NLRC5: variants seen among roughly 807,000 people sequenced by gnomAD.
NLRC5 encodes the protein protein NLRC5.
NLRC5 carries 114 observed loss-of-function variants against 206.9 expected under a neutral mutation model. The ratio of observed to expected loss-of-function variants is 0.55; its 90% CI spans 0.47 to 0.64. NLRC5 has a LOEUF of 0.64. Ranked by LOEUF, NLRC5 falls within the 30% of genes least tolerant of loss-of-function variation. The probability of loss-of-function intolerance (pLI) is 0.00; values close to 1 mark genes in which losing one functional copy is unlikely to be tolerated. For missense variants in NLRC5, 2,008 were observed against 2,305.5 expected (o/e 0.87, Z 2.64); for synonymous variants, 952 against 962.8 (o/e 0.99, Z 0.21).
At position 57,025,946 on chromosome 16, in the gene NLRC5, A is replaced by G. The variant is rs1176615733; in HGVS notation, c.1003A>G (p.Thr335Ala). ...LTLFSHLCNG[T>A]LLPGCRVMAT... ...CCTTTTCTCCCATCTCTGCAATGGG[A>G]CCCTCCTGCCTGGCTGCCGGGTGAT... Residue 335 changes from threonine (T) to alanine (A), a missense_variant, in exon 6 of 49, where the codon ACC (threonine) becomes GCC (alanine). Transcript: ENST00000688547. 6.2e-7 allele frequency: 1 copy of G among 1,613,174 alleles called. No homozygotes were observed. The highest frequency in any genetic ancestry group is 8.5e-7 in the Non-Finnish European group (1 of 1,179,844).
chr16:56,995,973 C>T (rs1451524375), intron 1 of NLRC5, among the ~76,000 whole-genome samples: 1 of 152,092 alleles, frequency 6.6e-6, no homozygotes, highest in Non-Finnish European at 1.5e-5. Context: ...AATTTGTTCC[C>T]TTTTCAGTTC....
intron 19 of NLRC5, 43 bp from the exon 20 acceptor site, chr16:57,043,472 G>T (rs1319278491): frequency 1.2e-4 from 166 of 1,337,710 alleles, no homozygotes; most frequent in Non-Finnish European, 1.6e-4. Context: ...GGATGTGTTT[G>T]GGTCCTGAGT....
At chr16:57,071,727 G>C (rs72487921) in intron 38 of NLRC5, among the ~76,000 whole-genome samples, 5,788 of 142,830 alleles carry the variant, frequency 0.041, 207 homozygotes, top group East Asian at 0.093. Flanking sequence ...AATGGGGAAG[G>C]GGGTGAGTAA....
intron 1 of NLRC5, among the ~76,000 whole-genome samples, chr16:57,004,850 C>T (rs979585873): frequency 6.6e-6 from 1 of 152,170 alleles, no homozygotes; most frequent in Admixed American, 6.5e-5. Flanking sequence ...ACACTGAAAC[C>T]AGGGTGGGGT....
chr16:57,022,925 C>T (rs1381564136), intron 4 of NLRC5, among the ~76,000 whole-genome samples: 1 of 152,262 alleles, frequency 6.6e-6, no homozygotes, highest in Non-Finnish European at 1.5e-5. Context: ...TCAAAACTGT[C>T]CAAGTCCCTG....
chr16:57,041,824 G>GA (rs1184487019), intron 18 of NLRC5, among the ~76,000 whole-genome samples, 158 bp from the exon 19 acceptor site: 1 of 152,088 alleles, frequency 6.6e-6, no homozygotes, highest in African/African-American at 2.4e-5. Context: ...ACCTGGGGGA[G>GA]ACCCCAGCTG....
chr16:57,030,973 G>A lies in NLRC5; in HGVS notation c.2418-431G>A, dbSNP rs182872368. Among the ~76,000 whole-genome samples the A allele has an allele frequency of 1.4e-3, 207 of 152,284 alleles. 1 individual carries two copies. The highest frequency in any genetic ancestry group is 4.8e-3 in the African/African-American group (198 of 41,546). The stretch of plus-strand genomic sequence containing the variant: ...AAATTAATGGGGCATGGTGGTGCAT[G>A]CCTGTGGTTCCAGCTATTTGGGAGG... On this transcript the variant is annotated intron_variant, in intron 10 of 48. Coordinates refer to ENST00000688547, the MANE Select transcript of NLRC5 (RefSeq NM_001384950.1).
At chr16:57,027,765 C>T (rs2061401976) in intron 6 of NLRC5, among the ~76,000 whole-genome samples, 1 of 152,212 alleles carries the variant, frequency 6.6e-6, no homozygotes, top group South Asian at 2.1e-4. Flanking sequence ...CATTAAAGTT[C>T]AGTCCTGAAA....
chr16:57,055,219 A>G, intron 26 of NLRC5, 125 bp downstream of exon 26: 1 of 1,062,012 alleles, frequency 9.4e-7, no homozygotes, highest in Non-Finnish European at 1.4e-6. Flanking sequence ...ACAACCCTGC[A>G]GAGGGACTTG....
intron 1 of NLRC5, among the ~76,000 whole-genome samples, chr16:57,001,577 C>T (rs1408359366): frequency 6.6e-6 from 1 of 152,144 alleles, no homozygotes; most frequent in East Asian, 1.9e-4. Context: ...GTAATCATAG[C>T]TTGTGTGGAT....
Position 57,029,787 on chromosome 16 carries a change from A to G in NLRC5, c.2258A>G (p.Gln753Arg), listed in dbSNP as rs2061604212. Residue 753 changes from glutamine (Q) to arginine (R), a missense_variant, in exon 9 of 49, where the codon CAG (glutamine) becomes CGG (arginine). Physicochemically the swap from Gln to Arg is conservative, Grantham distance 43. Transcript: ENST00000688547. ...TCTCCTCGCAGTTTTCGGGACAACC[A>G]GCTCAGTGACCAGGTGGTGCTGAAC... is the stretch of plus-strand genomic sequence containing the variant. ...QLKEVSFRDN[Q>R]LSDQVVLNIV... The G allele has an allele frequency of 6.2e-7, 1 of 1,614,156 alleles. No homozygotes were observed. Among genetic ancestry groups the G allele is most frequent in the Non-Finnish European group, 8.5e-7 (1 of 1,180,002 alleles).
At chr16:57,019,908 A>G (rs558145214) in intron 2 of NLRC5, among the ~76,000 whole-genome samples, 10 of 152,310 alleles carry the variant, frequency 6.6e-5, no homozygotes, top group Admixed American at 2.0e-4. Flanking sequence ...TAAATGGTTC[A>G]TGGAAATAAG....
At chr16:57,015,922 T>A (rs1202149020) in intron 1 of NLRC5, among the ~76,000 whole-genome samples, 1 of 33,042 alleles carries the variant, frequency 3.0e-5, no homozygotes, top group East Asian at 9.1e-4. Context: ...TGAAACTCCA[T>A]CTCAAAAAAA....
intron 47 of NLRC5, 112 bp downstream of exon 47, chr16:57,081,293 T>C: frequency 8.8e-7 from 1 of 1,131,756 alleles, no homozygotes; most frequent in East Asian, 2.6e-5. Context: ...TTCCTTGAGT[T>C]GCACACTCTG....
At position 57,020,865 on chromosome 16, in the gene NLRC5, A is replaced by G; in HGVS notation, c.153A>G (p.Glu51=). ...CCAGGAACGAGACCTTGGACCCTGA[A>G]CAGAGAGTCATCCTGCAACTCAACA... ...LDSRNETLDP[E]QRVILQLNKL... is the part of the protein sequence containing the mutation. Residue 51 remains glutamate (E), a synonymous_variant, in exon 3 of 49, where the codon GAA becomes GAG. Transcript: ENST00000688547. The G allele has an allele frequency of 6.2e-7, 1 of 1,613,702 alleles. No individual in the cohort carries two copies. Among genetic ancestry groups the G allele is most frequent in the Non-Finnish European group, 8.5e-7 (1 of 1,179,944 alleles).
In NLRC5 at chr16:57,034,249, G is replaced by A; in HGVS notation, c.2625G>A (p.Val875=). The A allele has an allele frequency of 1.2e-6, 2 of 1,613,620 alleles. No homozygotes were observed. Among genetic ancestry groups the A allele is most frequent in the Non-Finnish European group, 8.5e-7 (1 of 1,179,576 alleles). Residue 875 remains valine (V), a splice_region_variant and synonymous_variant, in exon 13 of 49, where the codon GTG becomes GTA. Coordinates refer to ENST00000688547, the MANE Select transcript of NLRC5 (RefSeq NM_001384950.1). ...LLQEGPHLEE[V]DLSGNQLEDE... ...AGGAAGGCCCTCACCTGGAGGAAGTGGAGTGAGTATCACGGGAAGCCCTGG... is the reference window on the plus strand; with the variant it reads ...AGGAAGGCCCTCACCTGGAGGAAGTAGAGTGAGTATCACGGGAAGCCCTGG...
chr16:57,023,110 G>A (rs776289102), intron 4 of NLRC5, among the ~76,000 whole-genome samples: 1 of 152,140 alleles, frequency 6.6e-6, no homozygotes, highest in Non-Finnish European at 1.5e-5. Context: ...CTGCTCCAGG[G>A]GCTGTTCCTA....
intron 39 of NLRC5, chr16:57,076,039 A>G (rs2068357378): frequency 5.2e-6 from 1 of 191,302 alleles, no homozygotes; most frequent in South Asian, 6.0e-5. Flanking sequence ...TCAGCCGCCC[A>G]AGTAGCTGGG....
intron 26 of NLRC5, 31 bp from the exon 27 acceptor site, chr16:57,055,402 T>A (rs754784672): frequency 2.3e-5 from 37 of 1,606,004 alleles, no homozygotes; most frequent in Non-Finnish European, 3.1e-5. Context: ...AAACGCCCCA[T>A]CCCCTGCTTG....
Sources: gnomAD v4.1 joint callset for allele counts (sites outside exome capture counted in the v4.1 genomes callset) on GRCh38, gnomAD v4.1.1 for gene constraint, MANE v1.5 for transcripts, NCBI Gene and HGNC (gene_info 2026-07-23, HGNC 2026-07-21) for gene names.